Variants in DACH2 observed in about 807,000 individuals in gnomAD.
The protein encoded by DACH2 is dachshund homolog 2.
A neutral mutation model predicts 35.8 loss-of-function variants in DACH2; 17 were observed. The ratio of observed to expected loss-of-function variants is 0.48; its 90% CI spans 0.33 to 0.71. DACH2 has a LOEUF of 0.71. DACH2 is among the 30% of genes least tolerant of loss of function. The pLI is 0.02. For synonymous variants in DACH2, 195 were observed against 177.3 expected (o/e 1.10, Z -0.79); for missense variants, 469 against 472.7 (o/e 0.99, Z 0.07).
At chrX:86,687,964 C>A (rs368664887) in intron 4 of DACH2, among the ~76,000 whole-genome samples, 36 of 110,590 alleles carry the variant, frequency 3.3e-4, no homozygotes, top group African/African-American at 1.2e-3. Flanking sequence ...ATAGGTGCAG[C>A]AAACCACCAG....
intron 2 of DACH2, 42 bp downstream of exon 2, chrX:86,376,904 T>C (rs2035976873): frequency 1.7e-6 from 1 of 578,046 alleles, no homozygotes; most frequent in Non-Finnish European, 2.9e-6. Context: ...TTCCTGAGAA[T>C]GTCCTGGAGC....
intron 11 of DACH2, chrX:86,829,503 C>T (rs994193599): frequency 3.6e-5 from 4 of 111,938 alleles, no homozygotes; most frequent in African/African-American, 1.3e-4. Flanking sequence ...GGCCTTTTCC[C>T]ATATATCTGC....
In DACH2 at chrX:86,268,253, A is replaced by T. The variant is rs1049536294; in HGVS notation, c.489-108571A>T. Among the ~76,000 whole-genome samples the T allele has an allele frequency of 7.2e-5, 8 of 111,601 alleles. No individual in the cohort carries two copies. The East Asian group carries it at 2.2e-3, about 31-fold the overall frequency. ...ACTCAAATTCCTTGTGTTCTTTGAG[A>T]AAAAGTAATCATAGTAAATAATAGT... On this transcript the variant is annotated intron_variant, in intron 1 of 11. Transcript: ENST00000373125.
intron 1 of DACH2, among the ~76,000 whole-genome samples, chrX:86,274,539 G>A (rs1297832239): frequency 3.9e-5 from 3 of 76,335 alleles, no homozygotes; most frequent in Non-Finnish European, 6.7e-5. Flanking sequence ...CTGTCGCCCA[G>A]GCTGGAGAGC....
intron 1 of DACH2, among the ~76,000 whole-genome samples, chrX:86,244,203 C>T (rs1252133794): frequency 4.5e-5 from 5 of 111,301 alleles, no homozygotes; most frequent in Non-Finnish European, 9.4e-5. Flanking sequence ...AGATTGAGTA[C>T]ATCAATCTGA....
intron 1 of DACH2, among the ~76,000 whole-genome samples, chrX:86,310,323 T>C (rs1254548910): frequency 1.8e-5 from 2 of 111,575 alleles, no homozygotes; most frequent in African/African-American, 6.5e-5. Flanking sequence ...GTAAATTACA[T>C]GAGGAAGTAG....
chrX:86,513,555 G>A (rs1443784217), intron 2 of DACH2, among the ~76,000 whole-genome samples: 1 of 111,810 alleles, frequency 8.9e-6, no homozygotes, highest in East Asian at 2.8e-4. Flanking sequence ...AACTGCTAAT[G>A]GGTGAAGAAT....
intron 3 of DACH2, among the ~76,000 whole-genome samples, chrX:86,541,121 C>A (rs1387377188): frequency 1.8e-5 from 2 of 111,810 alleles, no homozygotes; most frequent in African/African-American, 6.5e-5. Context: ...AAGCAGATTT[C>A]CTTTCTTGCT....
chrX:86,250,820 T>C (rs2033384698), intron 1 of DACH2, among the ~76,000 whole-genome samples: 1 of 111,549 alleles, frequency 9.0e-6, no homozygotes, highest in African/African-American at 3.2e-5. Context: ...TTTATAATAT[T>C]GTTCTTTCTG....
intron 1 of DACH2, among the ~76,000 whole-genome samples, chrX:86,294,194 G>T (rs192062256): frequency 0.017 from 1,843 of 111,038 alleles, 46 homozygotes; most frequent in African/African-American, 0.057. Context: ...TCACTGATAC[G>T]CTTTCTTCCA....
At chrX:86,576,290 T>C (rs1015687250) in intron 3 of DACH2, among the ~76,000 whole-genome samples, 1 of 111,994 alleles carries the variant, frequency 8.9e-6, no homozygotes, top group South Asian at 3.7e-4. Flanking sequence ...AAAGGAGATA[T>C]GTGAATGCTA....
chrX:86,530,813 A>G (rs1326647603), intron 3 of DACH2, among the ~76,000 whole-genome samples: 1 of 111,901 alleles, frequency 8.9e-6, no homozygotes, highest in African/African-American at 3.2e-5. Context: ...AAGATGAGGT[A>G]AAATCTGGGG....
At position 86,605,882 on chromosome X, in the gene DACH2, T is replaced by C. The variant is rs2039851678; in HGVS notation, c.641-45154T>C. Reference sequence around the variant, plus strand: ...AGGCATTCATTTTTTCTTTGTCTTTTTAAAAAACTATTGTTTTAATTTTAT... The same window carrying C: ...AGGCATTCATTTTTTCTTTGTCTTTCTAAAAAACTATTGTTTTAATTTTAT... On this transcript the variant is annotated intron_variant, in intron 3 of 11. Transcript: ENST00000373125. 2.7e-5 allele frequency among the ~76,000 whole-genome samples: 3 copies of C among 111,292 alleles called. No individual in the cohort carries two copies. In the Admixed American group the frequency reaches 2.9e-4, roughly 11 times the overall value.
intron 5 of DACH2, among the ~76,000 whole-genome samples, chrX:86,698,372 G>A (rs192091129): frequency 2.8e-4 from 30 of 108,664 alleles, no homozygotes; most frequent in Admixed American, 4.0e-4. Flanking sequence ...GACCTGCATC[G>A]CAAGAAACAT....
At position 86,537,929 on chromosome X, in the gene DACH2, T is replaced by C. The variant is rs753049985; in HGVS notation, c.640+23538T>C. Among the ~76,000 whole-genome samples the C allele has an allele frequency of 9.3e-4, 103 of 111,101 alleles. 1 individual carries two copies. The Admixed American group carries it at 9.4e-3, about 10-fold the overall frequency. On this transcript the variant is annotated intron_variant, in intron 3 of 11. Coordinates refer to ENST00000373125, the MANE Select transcript of DACH2 (RefSeq NM_053281.3). Reference sequence around the variant, plus strand: ...CCTTCTCCTGGCTCAGAAGCTCCCCTACTGAGCACCTTGTGAACCCCGCCC... The same window carrying C: ...CCTTCTCCTGGCTCAGAAGCTCCCCCACTGAGCACCTTGTGAACCCCGCCC...
chrX:86,264,566 C>T (rs1324446846), intron 1 of DACH2, among the ~76,000 whole-genome samples: 1 of 111,514 alleles, frequency 9.0e-6, no homozygotes, highest in East Asian at 2.8e-4. Flanking sequence ...AGCCTGATAT[C>T]TTTACTAGTT....
chrX:86,674,416 A>G (rs765316442), intron 4 of DACH2, among the ~76,000 whole-genome samples: 10 of 112,593 alleles, frequency 8.9e-5, no homozygotes, highest in African/African-American at 3.2e-4. Context: ...TCTACCAGCA[A>G]AGAAGGCTGT....
chrX:86,222,064 G>C (rs1287818645), intron 1 of DACH2, among the ~76,000 whole-genome samples: 12 of 112,081 alleles, frequency 1.1e-4, no homozygotes, highest in Admixed American at 4.7e-4. Context: ...CCTCTTTAAA[G>C]ACTCTGTTTC....
intron 7 of DACH2, among the ~76,000 whole-genome samples, chrX:86,761,440 T>G (rs2041881374): frequency 8.9e-6 from 1 of 111,764 alleles, no homozygotes. Flanking sequence ...TGCTTTTACC[T>G]TGTTGATGGG....
Sources: gnomAD v4.1 joint callset for allele counts (sites outside exome capture counted in the v4.1 genomes callset) on GRCh38, gnomAD v4.1.1 for gene constraint, MANE v1.5 for transcripts, NCBI Gene and HGNC (gene_info 2026-07-23, HGNC 2026-07-21) for gene names.